The following COL4A5 variants were observed in gnomAD, a reference collection of about 807,000 sequenced individuals.
The protein encoded by COL4A5 is collagen type IV alpha 5 chain.
COL4A5 carries 26 observed loss-of-function variants against 130.2 expected under a neutral mutation model. The ratio of observed to expected loss-of-function variants is 0.20; its 90% CI spans 0.15 to 0.28. The LOEUF (loss-of-function observed/expected upper bound fraction) is 0.28, where lower values mean the gene tolerates loss of function less well. Ranked by LOEUF, COL4A5 falls within the 10% of genes least tolerant of loss-of-function variation. The pLI is 1.00. For missense variants in COL4A5, 1,131 were observed against 1,344.3 expected (o/e 0.84, Z 2.48); for synonymous variants, 496 against 439.6 (o/e 1.13, Z -1.60).
At chrX:108,607,824 G>A (rs2066762675) in intron 29 of COL4A5, among the ~76,000 whole-genome samples, 1 of 111,397 alleles carries the variant, frequency 9.0e-6, no homozygotes, top group East Asian at 2.8e-4. Flanking sequence ...AAAGGAGAAG[G>A]TATTTTCTTT....
intron 49 of COL4A5, among the ~76,000 whole-genome samples, chrX:108,691,996 A>C (rs2068645987): frequency 1.8e-5 from 2 of 111,706 alleles, no homozygotes; most frequent in African/African-American, 6.5e-5. Context: ...CTAAAATCTT[A>C]ATACTGGCAC....
chrX:108,521,774 C>T (rs2065267764), intron 1 of COL4A5, among the ~76,000 whole-genome samples: 1 of 111,749 alleles, frequency 8.9e-6, no homozygotes, highest in African/African-American at 3.3e-5. Context: ...GGTCTTCCCA[C>T]TTTTTACTTC....
chrX:108,662,360 G>T (rs766874516), intron 37 of COL4A5, among the ~76,000 whole-genome samples: 10 of 110,674 alleles, frequency 9.0e-5, no homozygotes, highest in Non-Finnish European at 1.9e-4. Flanking sequence ...AATTGTCTTA[G>T]CTGTCATTCA....
intron 47 of COL4A5, among the ~76,000 whole-genome samples, chrX:108,683,386 A>G (rs2068477147): frequency 9.0e-6 from 1 of 111,153 alleles, no homozygotes; most frequent in Admixed American, 9.6e-5. Flanking sequence ...CTCTTTTTTT[A>G]ATTCCATATG....
intron 1 of COL4A5, among the ~76,000 whole-genome samples, chrX:108,451,802 T>C (rs753327878): frequency 1.5e-4 from 17 of 110,844 alleles, no homozygotes; most frequent in Non-Finnish European, 2.3e-4. Flanking sequence ...GGTTGCCTGT[T>C]CACTCTGATG....
chrX:108,469,821 C>T (rs1181098914), intron 1 of COL4A5, among the ~76,000 whole-genome samples: 1 of 111,570 alleles, frequency 9.0e-6, no homozygotes, highest in African/African-American at 3.3e-5. Context: ...GTGTTTATTG[C>T]CCCTCTCTTT....
chrX:108,610,267 C>T (rs1240455666), intron 29 of COL4A5, among the ~76,000 whole-genome samples: 1 of 110,795 alleles, frequency 9.0e-6, no homozygotes, highest in Non-Finnish European at 1.9e-5. Context: ...TGTTTTGGCT[C>T]CTAGTGAGTA....
chrX:108,559,274 A>T, intron 3 of COL4A5, 121 bp downstream of exon 3: 1 of 568,472 alleles, frequency 1.8e-6, no homozygotes, highest in Non-Finnish European at 3.1e-6. Context: ...TGTAAATGAA[A>T]CAATGGAATG....
intron 30 of COL4A5, among the ~76,000 whole-genome samples, chrX:108,616,561 A>T (rs901595234): frequency 1.8e-5 from 2 of 111,106 alleles, no homozygotes; most frequent in Admixed American, 9.6e-5. Flanking sequence ...AGGTGGATAA[A>T]ATGAACTTAT....
At chrX:108,632,561 A>G (rs894313169) in intron 36 of COL4A5, among the ~76,000 whole-genome samples, 19 of 111,745 alleles carry the variant, frequency 1.7e-4, no homozygotes, top group Non-Finnish European at 3.4e-4. Context: ...TCCCTGATGA[A>G]CATCGATGCA....
chrX:108,545,209 A>C (rs1346445325), intron 2 of COL4A5, among the ~76,000 whole-genome samples: 3 of 110,948 alleles, frequency 2.7e-5, no homozygotes, highest in Admixed American at 9.5e-5. Context: ...TTAGGGTGTC[A>C]ATTTTAGATC....
At chrX:108,693,790 G>A (rs1257150140) in intron 50 of COL4A5, 1 of 110,958 alleles carries the variant, frequency 9.0e-6, no homozygotes, top group Non-Finnish European at 1.9e-5. Flanking sequence ...TAAGAGGAGG[G>A]TGATACCATT....
intron 1 of COL4A5, among the ~76,000 whole-genome samples, chrX:108,538,946 CTG>C (rs2065494670): frequency 9.0e-6 from 1 of 111,638 alleles, no homozygotes; most frequent in Non-Finnish European, 1.9e-5. Context: ...AACATCTAGA[CTG>C]TGGGAGCAGC....
At chrX:108,603,856 A>G (rs1167912922) in intron 28 of COL4A5, among the ~76,000 whole-genome samples, 2 of 112,169 alleles carry the variant, frequency 1.8e-5, no homozygotes, top group Non-Finnish European at 3.8e-5. Flanking sequence ...TAAGTCCTTT[A>G]GTGTCATTTC....
rs2068729937 is a variant in COL4A5 at position 108,696,208 on chromosome X, C to CA, written c.4995-83dup. 5.2e-6 allele frequency: 4 copies of CA among 771,350 alleles called. No individual in the cohort carries two copies. The East Asian group carries it at 1.3e-4, about 25-fold the overall frequency. 63.6% of individuals were successfully genotyped at this position (771,350 alleles called of 1,213,427 possible). On this transcript the variant is annotated intron_variant, in intron 52 of 52. Coordinates refer to ENST00000328300, the MANE Select transcript of COL4A5 (RefSeq NM_033380.3). Reference sequence around the variant, plus strand: ...GTCACCAAGAGAGCTACTTAACACACAAAAAATGTTTAGTTATAAATTTGA... The same window carrying CA: ...GTCACCAAGAGAGCTACTTAACACACAAAAAAATGTTTAGTTATAAATTTGA...
At chrX:108,658,041 A>G (rs753674352) in intron 37 of COL4A5, among the ~76,000 whole-genome samples, 220 of 110,850 alleles carry the variant, frequency 2.0e-3, no homozygotes, top group African/African-American at 6.8e-3. Context: ...TTCTAAACTC[A>G]GAGGGACAAT....
At chrX:108,518,367 A>G (rs1247343019) in intron 1 of COL4A5, among the ~76,000 whole-genome samples, 4 of 111,512 alleles carry the variant, frequency 3.6e-5, no homozygotes, top group African/African-American at 1.3e-4. Flanking sequence ...AATCTCACGA[A>G]CTTTTCTGTG....
chrX:108,468,297 A>G (rs1410725524), intron 1 of COL4A5, among the ~76,000 whole-genome samples: 3 of 111,360 alleles, frequency 2.7e-5, no homozygotes, highest in African/African-American at 9.8e-5. Context: ...AAAAAAATAT[A>G]TCTGCAAAGA....
At chrX:108,688,582 G>T (rs984923838) in intron 49 of COL4A5, among the ~76,000 whole-genome samples, 61 of 110,913 alleles carry the variant, frequency 5.5e-4, no homozygotes, top group African/African-American at 1.9e-3. Flanking sequence ...AATTACAGGC[G>T]CCCGCCAGCA....
Sources: gnomAD v4.1 joint callset for allele counts (sites outside exome capture counted in the v4.1 genomes callset) on GRCh38, gnomAD v4.1.1 for gene constraint, MANE v1.5 for transcripts, NCBI Gene and HGNC (gene_info 2026-07-23, HGNC 2026-07-21) for gene names.